CR1L: variants seen among roughly 807,000 people sequenced by gnomAD.
CR1L encodes the protein complement C3b/C4b receptor 1 like, also known as complement component receptor 1-like protein.
In CR1L, 59 loss-of-function variants were observed where a neutral mutation model predicts 62.3. That is an observed-to-expected ratio of 0.95 (90% CI 0.77 to 1.18). The LOEUF (loss-of-function observed/expected upper bound fraction) is 1.18. CR1L is among the 50% of genes most tolerant of loss of function. The pLI is 0.00. For missense variants in CR1L, 700 were observed against 702.8 expected (o/e 1.00, Z 0.04); for synonymous variants, 279 against 248.7 (o/e 1.12, Z -1.15).
chr1:207,679,250 AC>A (rs1473917995), intron 3 of CR1L, among the ~76,000 whole-genome samples: 1 of 133,222 alleles, frequency 7.5e-6, no homozygotes, highest in African/African-American at 2.9e-5. Flanking sequence ...TGATCCGCCC[AC>A]CTCCCGGCCT....
At chr1:207,702,179 G>C (rs898024075) in intron 9 of CR1L, among the ~76,000 whole-genome samples, 4 of 152,066 alleles carry the variant, frequency 2.6e-5, no homozygotes, top group Non-Finnish European at 4.4e-5. Flanking sequence ...TATCCCAGAG[G>C]TTTTCATTAT....
At chr1:207,682,924 T>C (rs143183797) in intron 3 of CR1L, among the ~76,000 whole-genome samples, 8 of 151,554 alleles carry the variant, frequency 5.3e-5, no homozygotes, top group Middle Eastern at 3.4e-3. Context: ...TTCTTTTTGG[T>C]CAGCTTGGAT....
chr1:207,694,765 A>C lies in CR1L; in HGVS notation c.862+14A>C. ...GCTGCTCCAGGGGTGAGTCTGACTG[A>C]GGCCTAGAAGGGCCCTGCCAGTGAC... On this transcript the variant is annotated intron_variant, in intron 5 of 11. Coordinates refer to ENST00000508064, the MANE Select transcript of CR1L (RefSeq NM_175710.2). 1 of 1,611,868 alleles carries C rather than the reference A, an allele frequency of 6.2e-7. No individual in the cohort carries two copies. Among genetic ancestry groups the C allele is most frequent in the South Asian group, 1.1e-5 (1 of 90,988 alleles).
intron 3 of CR1L, among the ~76,000 whole-genome samples, chr1:207,678,814 C>T (rs1380247042): frequency 2.0e-5 from 3 of 152,094 alleles, no homozygotes; most frequent in Non-Finnish European, 4.4e-5. Context: ...TAGCCATGCT[C>T]CCTCCAAAAC....
At chr1:207,646,111 G>A (rs1014023405) in intron 1 of CR1L, among the ~76,000 whole-genome samples, 12 of 151,612 alleles carry the variant, frequency 7.9e-5, no homozygotes, top group African/African-American at 2.9e-4. Context: ...AATTTTAAGT[G>A]GCTGCTTTTT....
intron 1 of CR1L, chr1:207,652,716 C>G: frequency 1.1e-6 from 1 of 875,812 alleles, no homozygotes; most frequent in Non-Finnish European, 1.9e-6. Flanking sequence ...GGCTACCTGT[C>G]TCAGATGAGC....
At position 207,708,187 on chromosome 1, in the gene CR1L, C is replaced by G; in HGVS notation, c.1338C>G (p.Leu446=). Residue 446 remains leucine (L), a synonymous_variant, in exon 10 of 12, where the codon CTC becomes CTG. Transcript: ENST00000508064. ...CATTTTTTGCCTTTAGGCACCGACT[C>G]ATTGGTCACTCATCTGCTGAATGTA... ...INYSCTTGHR[L]IGHSSAECIL... The G allele has an allele frequency of 6.2e-7, 1 of 1,611,404 alleles. No individual in the cohort carries two copies. The highest frequency in any genetic ancestry group is 1.1e-5 in the South Asian group (1 of 90,980).
intron 1 of CR1L, among the ~76,000 whole-genome samples, chr1:207,647,650 G>A (rs528166546): frequency 6.6e-6 from 1 of 152,262 alleles, no homozygotes; most frequent in African/African-American, 2.4e-5. Context: ...GGGGCTTAGA[G>A]CCTAGGAAAA....
At chr1:207,645,854 G>A (rs1296105583) in intron 1 of CR1L, among the ~76,000 whole-genome samples, 1 of 152,176 alleles carries the variant, frequency 6.6e-6, no homozygotes, top group Admixed American at 6.5e-5. Flanking sequence ...GGCTGGGCGA[G>A]CAGGGGCCTG....
intron 10 of CR1L, among the ~76,000 whole-genome samples, chr1:207,712,998 G>A (rs1664382546): frequency 1.3e-5 from 2 of 152,182 alleles, no homozygotes; most frequent in Admixed American, 1.3e-4. Context: ...TTTGAAATAA[G>A]CGTTAATCCA....
At chr1:207,696,754 AC>A (rs1223146863) in intron 5 of CR1L, among the ~76,000 whole-genome samples, 1 of 152,226 alleles carries the variant, frequency 6.6e-6, no homozygotes, top group East Asian at 1.9e-4. Flanking sequence ...TTTAGTTGAG[AC>A]CTAAATGTGT....
chr1:207,667,507 C>A (rs1469202581), intron 1 of CR1L, among the ~76,000 whole-genome samples: 2 of 152,238 alleles, frequency 1.3e-5, no homozygotes, highest in East Asian at 3.8e-4. Context: ...CCAAGATACT[C>A]TTTCCATCTC....
intron 1 of CR1L, chr1:207,669,711 G>T (rs1413909802): frequency 7.1e-6 from 4 of 564,748 alleles, no homozygotes; most frequent in Non-Finnish European, 9.2e-6. Context: ...GCGCTACCTG[G>T]CAGGGCGGCG....
intron 1 of CR1L, among the ~76,000 whole-genome samples, chr1:207,664,559 A>G (rs932013726): frequency 3.3e-5 from 5 of 152,196 alleles, no homozygotes; most frequent in Admixed American, 2.6e-4. Flanking sequence ...TTAATACTCA[A>G]TAAGGTATCC....
At chr1:207,702,525 A>G (rs1664210155) in intron 9 of CR1L, among the ~76,000 whole-genome samples, 1 of 152,248 alleles carries the variant, frequency 6.6e-6, no homozygotes, top group Admixed American at 6.5e-5. Flanking sequence ...AAGACAGGCC[A>G]AAAGTCAGGC....
chr1:207,652,660 G>T (rs186639339), intron 1 of CR1L: 9 of 1,057,752 alleles, frequency 8.5e-6, no homozygotes, highest in Admixed American at 5.1e-5. Flanking sequence ...ACACTTCTAC[G>T]TACCTCCTCT....
rs748711069 is a variant in CR1L, at chr1:207,672,061, A to G, written c.98-5328A>G. 1.9e-4 allele frequency among the ~76,000 whole-genome samples: 28 copies of G among 151,194 alleles called. 1 individual carries two copies. The highest frequency in any genetic ancestry group is 3.0e-4 in the African/African-American group (12 of 40,450). On this transcript the variant is annotated intron_variant, in intron 1 of 11. Transcript: ENST00000508064. Reference sequence around the variant, plus strand: ...ATATCAACCATCATTTTGAGTGTCAATGATCTAAAGGCACCAATTGAAACA... The same window carrying G: ...ATATCAACCATCATTTTGAGTGTCAGTGATCTAAAGGCACCAATTGAAACA...
At chr1:207,706,470 T>A (rs1457537821) in intron 9 of CR1L, among the ~76,000 whole-genome samples, 1 of 151,870 alleles carries the variant, frequency 6.6e-6, no homozygotes, top group African/African-American at 2.4e-5. Flanking sequence ...AGGATTCAAA[T>A]TATGTATTAA....
At chr1:207,663,573 C>CT (rs1343207153) in intron 1 of CR1L, among the ~76,000 whole-genome samples, 1 of 152,246 alleles carries the variant, frequency 6.6e-6, no homozygotes, top group African/African-American at 2.4e-5. Flanking sequence ...AGGGAATTCC[C>CT]TGACCCCTTG....
Sources: gnomAD v4.1 joint callset for allele counts (sites outside exome capture counted in the v4.1 genomes callset) on GRCh38, gnomAD v4.1.1 for gene constraint, MANE v1.5 for transcripts, NCBI Gene and HGNC (gene_info 2026-07-23, HGNC 2026-07-21) for gene names.